AFTPH: variants seen among roughly 807,000 people sequenced by gnomAD.
The protein encoded by AFTPH is aftiphilin.
AFTPH carries 7 observed loss-of-function variants against 72.5 expected under a neutral mutation model. That is an observed-to-expected ratio of 0.10 (90% CI 0.05 to 0.18). AFTPH has a LOEUF of 0.18. AFTPH is among the 10% of genes least tolerant of loss of function. The pLI, the probability that AFTPH is intolerant of heterozygous loss-of-function variation, is 1.00. For synonymous variants in AFTPH, 337 were observed against 370.1 expected, an observed-to-expected ratio of 0.91 and a Z score of 1.03; for missense variants, 979 against 1,060.5, an observed-to-expected ratio of 0.92 and a Z score of 1.07.
At chr2:64,554,483 C>G (rs1192645735) in intron 2 of AFTPH, among the ~76,000 whole-genome samples, 1 of 152,202 alleles carries the variant, frequency 6.6e-6, no homozygotes, top group African/African-American at 2.4e-5. Context: ...CTCCAGTTAT[C>G]TTCTGCTAAG....
chr2:64,548,208 A>G (rs1473206054), intron 1 of AFTPH, among the ~76,000 whole-genome samples: 1 of 145,670 alleles, frequency 6.9e-6, no homozygotes, highest in African/African-American at 2.5e-5. Context: ...CCTGGCTAAC[A>G]AGGTGAAACC....
intron 2 of AFTPH, among the ~76,000 whole-genome samples, chr2:64,556,083 G>A (rs1671353759): frequency 6.6e-6 from 1 of 150,674 alleles, no homozygotes; most frequent in African/African-American, 2.5e-5. Context: ...CGCCTCCCGG[G>A]TTCAAGCAGT....
chr2:64,524,451 C>G (rs992710617), exon 1 of AFTPH: 1 of 402,254 alleles, frequency 2.5e-6, no homozygotes, highest in Non-Finnish European at 4.4e-6. Flanking sequence ...AGCGGTGAAA[C>G]TCCGGGTGGG....
At chr2:64,589,963 T>A (rs1673728851) in intron 8 of AFTPH, among the ~76,000 whole-genome samples, 1 of 137,798 alleles carries the variant, frequency 7.3e-6, no homozygotes, top group African/African-American at 2.7e-5. Flanking sequence ...GGGGGGGGTT[T>A]CCACCAAAAA....
intron 8 of AFTPH, among the ~76,000 whole-genome samples, chr2:64,588,630 T>C (rs530727666): frequency 6.6e-6 from 1 of 152,354 alleles, no homozygotes; most frequent in Non-Finnish European, 1.5e-5. Context: ...TGAAGTGATA[T>C]CTCATTGACA....
intron 7 of AFTPH, 123 bp from the exon 8 acceptor site, chr2:64,581,067 T>C (rs988312057): frequency 1.7e-6 from 1 of 602,978 alleles, no homozygotes; most frequent in Admixed American, 3.3e-5. Flanking sequence ...TTAAAATGTG[T>C]AATGATTACT....
chr2:64,552,553 T>G lies in AFTPH; in HGVS notation c.1079T>G (p.Leu360Ter), dbSNP rs778457668. 3.1e-6 allele frequency: 5 copies of G among 1,613,980 alleles called. No homozygotes were observed. The highest frequency in any genetic ancestry group is 4.2e-6 in the Non-Finnish European group (5 of 1,180,010). The stretch of plus-strand genomic sequence containing the variant: ...TGTAAAACTGAAGAAAAACTTGACT[T>G]ACTTACTTCTAAATGTGCTCACCTA... The change falls in exon 2 of 9, where the codon TTA becomes TGA. Residue 360 changes from leucine (L) to a stop codon, truncating the protein, a stop_gained. Transcript: ENST00000238856. LOFTEE classifies it high-confidence loss of function.
exon 2 of AFTPH, chr2:64,552,494 A>G: frequency 1.2e-6 from 2 of 1,614,160 alleles, no homozygotes; most frequent in African/African-American, 1.3e-5. Context: ...TGGTAGACTC[A>G]GCTGATAATT....
intron 2 of AFTPH, among the ~76,000 whole-genome samples, chr2:64,561,832 CAACT>C (rs2103998680): frequency 6.6e-6 from 1 of 152,270 alleles, no homozygotes; most frequent in South Asian, 2.1e-4. Context: ...TAAGAATTAA[CAACT>C]AACTTTGTTG....
chr2:64,551,308 C>T, intron 1 of AFTPH, 135 bp from the exon 2 acceptor site: 1 of 664,806 alleles, frequency 1.5e-6, no homozygotes, highest in Non-Finnish European at 2.4e-6. Context: ...TCATGCAGGA[C>T]ATGGTCAAGG....
At chr2:64,579,609 C>T in intron 7 of AFTPH, 63 bp downstream of exon 7, 1 of 1,393,190 alleles carries the variant, frequency 7.2e-7, no homozygotes, top group Non-Finnish European at 1.0e-6. Context: ...AAAGTTCAGA[C>T]AAACTTCTCT....
At chr2:64,578,777 C>G (rs1334443108) in intron 6 of AFTPH, 2 of 152,304 alleles carry the variant, frequency 1.3e-5, no homozygotes, top group Admixed American at 1.3e-4. Flanking sequence ...CCAGGATGGT[C>G]TCGATCTCCT....
At chr2:64,584,876 G>T (rs539239760) in intron 7 of AFTPH, among the ~76,000 whole-genome samples, 1 of 152,132 alleles carries the variant, frequency 6.6e-6, no homozygotes, top group African/African-American at 2.4e-5. Context: ...GATTACAGGC[G>T]TGAGCCACCG....
chr2:64,582,055 T>G (rs922533343), intron 7 of AFTPH, among the ~76,000 whole-genome samples: 5 of 152,216 alleles, frequency 3.3e-5, no homozygotes, highest in Non-Finnish European at 5.9e-5. Flanking sequence ...CATTTTTATG[T>G]TTACATTTTA....
intron 7 of AFTPH, chr2:64,580,647 A>T (rs1673133729): frequency 6.6e-6 from 1 of 152,560 alleles, no homozygotes; most frequent in Non-Finnish European, 1.5e-5. Flanking sequence ...GTACAGCTTG[A>T]GGTTGCACAT....
chr2:64,567,410 T>C (rs1157700712), intron 2 of AFTPH, 152 bp from the exon 3 acceptor site: 4 of 659,402 alleles, frequency 6.1e-6, no homozygotes, highest in African/African-American at 5.6e-5. Flanking sequence ...GTTTCATGAG[T>C]AGTTGTGTTC....
chr2:64,526,770 A>G (rs968947737), intron 1 of AFTPH, among the ~76,000 whole-genome samples: 4 of 152,352 alleles, frequency 2.6e-5, no homozygotes, highest in South Asian at 2.1e-4. Flanking sequence ...AGCAGTATAT[A>G]TGTTGCTCAT....
chr2:64,538,554 G>A (rs1363294647), intron 1 of AFTPH, among the ~76,000 whole-genome samples: 3 of 152,216 alleles, frequency 2.0e-5, no homozygotes, highest in African/African-American at 7.2e-5. Flanking sequence ...AATATCATGT[G>A]TGCTATTATC....
rs373232054 is a variant in AFTPH at position 64,589,757 on chromosome 2, G to A, written c.2580-2128G>A. 6.6e-5 allele frequency among the ~76,000 whole-genome samples: 10 copies of A among 152,170 alleles called. No homozygotes were observed. In the East Asian group the frequency reaches 1.7e-3, roughly 26 times the overall value. On this transcript the variant is annotated intron_variant, in intron 8 of 8. Coordinates refer to ENST00000238856, the Ensembl canonical transcript of AFTPH. ...CACAAATGGGAAAGTCCATTTAGGT[G>A]CGCATTTATTCACTGTTGTTTTAAA...
Sources: allele counts gnomAD v4.1 joint callset (sites outside exome capture counted in the v4.1 genomes callset), GRCh38; gene constraint gnomAD v4.1.1; transcripts MANE v1.5; gene names NCBI Gene and HGNC (gene_info 2026-07-23, HGNC 2026-07-21).